Variants in CDK6 observed in about 807,000 individuals in gnomAD.
CDK6 encodes the protein cyclin-dependent kinase 6.
CDK6 carries 6 observed loss-of-function variants against 37.1 expected under a neutral mutation model. The ratio of observed to expected loss-of-function variants is 0.16; its 90% CI spans 0.09 to 0.32. The LOEUF (loss-of-function observed/expected upper bound fraction) is 0.32. CDK6 is among the 10% of genes least tolerant of loss of function. The pLI is 1.00. For synonymous variants in CDK6, 160 were observed against 161.3 expected, an observed-to-expected ratio of 0.99 and a Z score of 0.06; for missense variants, 224 against 418.9, an observed-to-expected ratio of 0.53 and a Z score of 4.06.
intron 3 of CDK6, among the ~76,000 whole-genome samples, chr7:92,760,780 G>A (rs1452628011): frequency 1.3e-5 from 2 of 151,992 alleles, no homozygotes; most frequent in African/African-American, 2.4e-5. Context: ...GGATCATATT[G>A]TATATATGTA....
intron 2 of CDK6, among the ~76,000 whole-genome samples, chr7:92,784,969 A>G (rs2115830938): frequency 6.6e-6 from 1 of 152,356 alleles, no homozygotes; most frequent in Middle Eastern, 3.4e-3. Context: ...ACACTAAAAT[A>G]TTGCATTTAC....
chr7:92,700,735 T>A (rs935378883), intron 4 of CDK6, among the ~76,000 whole-genome samples: 6 of 152,266 alleles, frequency 3.9e-5, no homozygotes, highest in Admixed American at 1.3e-4. Context: ...GGCAGGACCT[T>A]TGAGGAAGGC....
chr7:92,762,175 GC>G (rs745667256), intron 3 of CDK6, among the ~76,000 whole-genome samples: 3 of 152,162 alleles, frequency 2.0e-5, no homozygotes, highest in Non-Finnish European at 2.9e-5. Context: ...ACAAGAATTA[GC>G]AATGTAATGT....
chr7:92,728,619 T>C (rs1370246208), intron 3 of CDK6, among the ~76,000 whole-genome samples: 1 of 152,196 alleles, frequency 6.6e-6, no homozygotes, highest in Non-Finnish European at 1.5e-5. Flanking sequence ...TTAAAAGGGC[T>C]TGTTAATATC....
chr7:92,730,042 C>T (rs1798606952), intron 3 of CDK6, among the ~76,000 whole-genome samples: 1 of 152,208 alleles, frequency 6.6e-6, no homozygotes, highest in Non-Finnish European at 1.5e-5. Flanking sequence ...CTGCACCTGG[C>T]CTGGGCCTTA....
chr7:92,764,139 CTTT>C (rs397891071), intron 3 of CDK6, among the ~76,000 whole-genome samples: 96 of 140,430 alleles, frequency 6.8e-4, no homozygotes, highest in African/African-American at 2.0e-3. Context: ...GTTTATTTGT[CTTT>C]TTTTTTTTTT....
chr7:92,635,192 C>T (rs2116521438), intron 5 of CDK6, among the ~76,000 whole-genome samples: 1 of 152,264 alleles, frequency 6.6e-6, no homozygotes, highest in South Asian at 2.1e-4. Context: ...AAGATTAATC[C>T]TAGCTCCCTA....
intron 4 of CDK6, among the ~76,000 whole-genome samples, chr7:92,719,093 T>C (rs1042086541): frequency 6.6e-6 from 1 of 152,236 alleles, no homozygotes; most frequent in Non-Finnish European, 1.5e-5. Context: ...AAGGAAGGAA[T>C]ATCATCAGAG....
intron 3 of CDK6, among the ~76,000 whole-genome samples, chr7:92,727,671 G>A (rs1422202209): frequency 6.6e-6 from 1 of 152,118 alleles, no homozygotes; most frequent in Non-Finnish European, 1.5e-5. Context: ...CTTAGAGGGG[G>A]TATGCAGTGA....
At chr7:92,770,442 T>C (rs1014607842) in intron 3 of CDK6, among the ~76,000 whole-genome samples, 28 of 151,974 alleles carry the variant, frequency 1.8e-4, no homozygotes, top group African/African-American at 6.0e-4. Context: ...GCCTATACTC[T>C]TAATGTACTT....
chr7:92,725,833 A>T (rs772429936), intron 3 of CDK6, 40 bp from the exon 4 acceptor site: 1 of 1,572,368 alleles, frequency 6.4e-7, no homozygotes, highest in Middle Eastern at 1.7e-4. Context: ...AACACTCAAA[A>T]CGGAAGTTGA....
chr7:92,638,653 T>C (rs545806389), intron 5 of CDK6, among the ~76,000 whole-genome samples: 2 of 152,208 alleles, frequency 1.3e-5, no homozygotes, highest in Non-Finnish European at 2.9e-5. Context: ...AGAGTCTCTT[T>C]AGTCTATTCC....
At position 92,707,440 on chromosome 7, in the gene CDK6, A is replaced by G. The variant is rs535722438; in HGVS notation, c.537+18186T>C. ...GTTATACTGCTTTTTGAAGGAAGCA[A>G]TGTTTTTCAAAAAAATTATCTCTTT... On this transcript the variant is annotated intron_variant, in intron 4 of 7. Coordinates refer to ENST00000424848, the MANE Select transcript of CDK6 (RefSeq NM_001145306.2). 1.2e-4 allele frequency among the ~76,000 whole-genome samples: 18 copies of G among 152,318 alleles called. No individual in the cohort carries two copies. The East Asian group carries it at 3.3e-3, about 28-fold the overall frequency.
At chr7:92,679,865 C>T (rs951428260) in intron 4 of CDK6, among the ~76,000 whole-genome samples, 3 of 151,752 alleles carry the variant, frequency 2.0e-5, no homozygotes, top group Non-Finnish European at 4.4e-5. Context: ...GGATTACAGG[C>T]GTGCACCACC....
rs555410001 is a variant in CDK6 at position 92,833,341 on chromosome 7, C to T, written c.-18G>A. On this transcript the variant is annotated 5_prime_UTR_variant, in exon 2 of 8. Transcript: ENST00000424848. This position sits in a 1 kb window ranked among gnomAD's most constrained non-coding sequence, Gnocchi z 6.1. ...TTCTCCATGCCGCCTGGACGCCGCC[C>T]GCCGCGGCGCCGCTGGGGCGGGCGG... 3 of 1,538,500 alleles carry T rather than the reference C, an allele frequency of 1.9e-6. No homozygotes were observed. The highest frequency in any genetic ancestry group is 2.6e-6 in the Non-Finnish European group (3 of 1,140,804).
At chr7:92,710,785 A>C in intron 4 of CDK6, 1 of 985,414 alleles carries the variant, frequency 1.0e-6, no homozygotes, top group Non-Finnish European at 1.2e-6. Flanking sequence ...GGTGGGGAAA[A>C]GCAGAGATGA....
chr7:92,663,785 C>T (rs1224630817), intron 5 of CDK6, among the ~76,000 whole-genome samples: 3 of 152,086 alleles, frequency 2.0e-5, no homozygotes, highest in East Asian at 1.9e-4. Context: ...ACCTTGTTTG[C>T]ATTACTCAAC....
chr7:92,793,670 A>G (rs1379934492), intron 2 of CDK6, among the ~76,000 whole-genome samples: 4 of 152,154 alleles, frequency 2.6e-5, no homozygotes, highest in Non-Finnish European at 4.4e-5. Context: ...ATAGCAGTAA[A>G]TCTTTGTGAC....
intron 4 of CDK6, among the ~76,000 whole-genome samples, chr7:92,722,148 G>A (rs1798382525): frequency 6.6e-6 from 1 of 151,968 alleles, no homozygotes; most frequent in African/African-American, 2.4e-5. Context: ...TGTTCAAATA[G>A]AAATATCATT....
Sources: gnomAD v4.1 joint callset for allele counts (sites outside exome capture counted in the v4.1 genomes callset) on GRCh38, gnomAD v4.1.1 for gene constraint, Gnocchi (gnomAD v3.1) non-coding constraint, MANE v1.5 for transcripts, NCBI Gene and HGNC (gene_info 2026-07-23, HGNC 2026-07-21) for gene names.